KIF16B: variants seen among roughly 807,000 people sequenced by gnomAD.
The protein encoded by KIF16B is kinesin family member 16B.
KIF16B carries 98 observed loss-of-function variants against 156.3 expected under a neutral mutation model. That is an observed-to-expected ratio of 0.63 (90% CI 0.53 to 0.74). The LOEUF (loss-of-function observed/expected upper bound fraction) is 0.74, where lower values mean the gene tolerates loss of function less well. Among genes scored for constraint, KIF16B ranks in the 30% least tolerant of loss-of-function variants. The probability of loss-of-function intolerance (pLI) is 0.00; values close to 1 mark genes in which losing one functional copy is unlikely to be tolerated. For missense variants in KIF16B, 1,421 were observed against 1,606.5 expected, an observed-to-expected ratio of 0.88 and a Z score of 1.97; for synonymous variants, 564 against 583.7, an observed-to-expected ratio of 0.97 and a Z score of 0.49.
chr20:16,463,206 A>G (rs982494603), intron 12 of KIF16B, among the ~76,000 whole-genome samples: 1 of 152,096 alleles, frequency 6.6e-6, no homozygotes, highest in African/African-American at 2.4e-5. Flanking sequence ...TCTTTTGCCT[A>G]TTTAACCTCC....
chr20:16,389,601 C>A (rs1397688409), intron 17 of KIF16B, among the ~76,000 whole-genome samples: 4 of 152,318 alleles, frequency 2.6e-5, no homozygotes, highest in Non-Finnish European at 4.4e-5. Context: ...CCTTCTCAAG[C>A]ACCTCACAAC....
intron 3 of KIF16B, among the ~76,000 whole-genome samples, chr20:16,518,072 G>A (rs943447615): frequency 2.0e-5 from 3 of 152,150 alleles, no homozygotes; most frequent in Admixed American, 1.3e-4. Flanking sequence ...TTGGGGCCAG[G>A]AGACATGACT....
chr20:16,459,630 T>C (rs1023329720), intron 12 of KIF16B, among the ~76,000 whole-genome samples: 4 of 152,228 alleles, frequency 2.6e-5, no homozygotes, highest in Non-Finnish European at 5.9e-5. Flanking sequence ...GTTATCAAAG[T>C]GCTTGGATTT....
chr20:16,491,109 C>G (rs1000713692), intron 12 of KIF16B, among the ~76,000 whole-genome samples: 3 of 152,076 alleles, frequency 2.0e-5, no homozygotes, highest in Non-Finnish European at 4.4e-5. Context: ...GAGGAGTGAT[C>G]GGGGGAGGCG....
At chr20:16,326,269 CA>C (rs1250472484) in intron 24 of KIF16B, among the ~76,000 whole-genome samples, 1 of 148,406 alleles carries the variant, frequency 6.7e-6, no homozygotes, top group African/African-American at 2.5e-5. Context: ...AACCCAAAAG[CA>C]AATGCAACAA....
At chr20:16,495,848 G>A (rs1031036889) in intron 11 of KIF16B, among the ~76,000 whole-genome samples, 4 of 151,902 alleles carry the variant, frequency 2.6e-5, no homozygotes, top group Admixed American at 6.6e-5. Context: ...ACACCACCAC[G>A]CCCAGCTAAT....
chr20:16,503,983 A>T (rs1427183915), intron 10 of KIF16B, among the ~76,000 whole-genome samples: 2 of 152,182 alleles, frequency 1.3e-5, no homozygotes, highest in Non-Finnish European at 2.9e-5. Context: ...GTGTTCAAAC[A>T]AGTCTTTTAT....
chr20:16,488,278 C>A (rs987741530), intron 12 of KIF16B, among the ~76,000 whole-genome samples: 2 of 152,256 alleles, frequency 1.3e-5, no homozygotes, highest in African/African-American at 4.8e-5. Context: ...AGAGGCAGCT[C>A]TCCCTTCTGC....
At position 16,374,429 on chromosome 20, in the gene KIF16B, A is replaced by G; in HGVS notation, c.3198-20T>C. ...TCTAACCTACACAGATAGGAGCCACATAATTCATTCATTAATAGTATTTCC... is the reference window on the plus strand; with the variant it reads ...TCTAACCTACACAGATAGGAGCCACGTAATTCATTCATTAATAGTATTTCC... On this transcript the variant is annotated intron_variant, in intron 19 of 25. Transcript: ENST00000354981. 3.3e-6 allele frequency: 5 copies of G among 1,499,754 alleles called. No homozygotes were observed. Among genetic ancestry groups the G allele is most frequent in the East Asian group, 2.4e-5 (1 of 41,972 alleles). The allele number at this position is 1,499,754 out of a possible 1,614,324, so 92.9% of individuals were successfully genotyped here.
intron 1 of KIF16B, among the ~76,000 whole-genome samples, chr20:16,571,010 G>A (rs1284845861): frequency 6.6e-6 from 1 of 152,162 alleles, no homozygotes; most frequent in African/African-American, 2.4e-5. Context: ...AGGGATGGAT[G>A]TCCTTCCCAC....
chr20:16,509,949 C>A (rs2068905389), intron 6 of KIF16B, among the ~76,000 whole-genome samples: 1 of 152,072 alleles, frequency 6.6e-6, no homozygotes, highest in South Asian at 2.1e-4. Flanking sequence ...TTTTTATAGT[C>A]ATTTTATTAT....
chr20:16,419,775 T>C lies in KIF16B; in HGVS notation c.1612+7329A>G, dbSNP rs1408572161. Among the ~76,000 whole-genome samples the C allele has an allele frequency of 3.3e-5, 5 of 152,054 alleles. No individual in the cohort carries two copies. In the South Asian group the frequency reaches 6.2e-4, roughly 19 times the overall value. Reference sequence around the variant, plus strand: ...AAATAATAATTAAAATAAGAGAGAATAGCTCCTAGAAGTTATAGGACAAAT... The same window carrying C: ...AAATAATAATTAAAATAAGAGAGAACAGCTCCTAGAAGTTATAGGACAAAT... On this transcript the variant is annotated intron_variant, in intron 15 of 25. Coordinates refer to ENST00000354981, the MANE Select transcript of KIF16B (RefSeq NM_024704.5).
At chr20:16,372,685 G>C (rs765987278) in intron 20 of KIF16B, among the ~76,000 whole-genome samples, 29 of 152,106 alleles carry the variant, frequency 1.9e-4, no homozygotes, top group Non-Finnish European at 3.7e-4. Flanking sequence ...AATTCTACAG[G>C]TACTGATTAG....
rs149494674 is a variant in KIF16B, at chr20:16,497,988, G to A, written c.1177-310C>T. ...CTAAATCCCTAGATCTTAAGGATTC[G>A]CCTCTTTTAATATGTACAGAGTCCA... On this transcript the variant is annotated intron_variant, in intron 10 of 25. Transcript: ENST00000354981. 3.4e-4 allele frequency among the ~76,000 whole-genome samples: 52 copies of A among 152,160 alleles called. 1 individual carries two copies. In the Middle Eastern group the frequency reaches 0.014, roughly 40 times the overall value.
In KIF16B at chr20:16,335,946, A is replaced by G. The variant is rs201907986; in HGVS notation, c.3691T>C (p.Leu1231=). 1.3e-5 allele frequency: 20 copies of G among 1,536,908 alleles called. No individual in the cohort carries two copies. In the East Asian group the frequency reaches 4.9e-4, roughly 38 times the overall value. ...YSRFREMHKT[L]KLKYAELAAL... is the part of the protein sequence containing the mutation. ...CTTACCTCTGCATACTTTAACTTCA[A>G]TGTTTTATGCATTTCTCGAAAACGA... Residue 1231 remains leucine (L), a synonymous_variant, in exon 24 of 26, where the codon TTG becomes CTG. Transcript: ENST00000354981.
At chr20:16,367,392 C>A in intron 22 of KIF16B, 1 of 1,612,860 alleles carries the variant, frequency 6.2e-7, no homozygotes, top group East Asian at 2.2e-5. Flanking sequence ...CAACAACACA[C>A]CTGAATTCAC....
At chr20:16,484,407 G>A (rs1385450992) in intron 12 of KIF16B, among the ~76,000 whole-genome samples, 1 of 152,198 alleles carries the variant, frequency 6.6e-6, no homozygotes, top group Non-Finnish European at 1.5e-5. Flanking sequence ...CCCAGTTGCA[G>A]AGAACAATGA....
chr20:16,514,885 CAAAAAAAAAAAAAA>C (rs10564862), intron 4 of KIF16B, among the ~76,000 whole-genome samples: 3,107 of 60,788 alleles, frequency 0.051, 77 homozygotes, highest in South Asian at 0.16. Flanking sequence ...GATTCCATCT[CAAAAAAAAAAAAAA>C]AAAAAAAAAA....
chr20:16,457,750 C>G (rs1288985441), intron 12 of KIF16B, among the ~76,000 whole-genome samples: 1 of 152,082 alleles, frequency 6.6e-6, no homozygotes. Context: ...AAGGCCTGCC[C>G]TAGATAAGGA....
Sources: gnomAD v4.1 joint callset for allele counts (sites outside exome capture counted in the v4.1 genomes callset) on GRCh38, gnomAD v4.1.1 for gene constraint, MANE v1.5 for transcripts, NCBI Gene and HGNC (gene_info 2026-07-23, HGNC 2026-07-21) for gene names.